DCTN4: variants seen among roughly 807,000 people sequenced by gnomAD.
DCTN4 encodes dynactin subunit 4.
DCTN4 carries 23 observed loss-of-function variants against 62.7 expected under a neutral mutation model. The observed-to-expected ratio is 0.37, with a 90% CI of 0.26 to 0.52. DCTN4 has a LOEUF of 0.52. Among genes scored for constraint, DCTN4 ranks in the 20% least tolerant of loss-of-function variants. The pLI is 0.92. For synonymous variants in DCTN4, 199 were observed against 202.1 expected (o/e 0.98, Z 0.13); for missense variants, 514 against 580.4 (o/e 0.89, Z 1.18).
chr5:150,720,940 A>G (rs1759936665), intron 9 of DCTN4, among the ~76,000 whole-genome samples: 1 of 152,236 alleles, frequency 6.6e-6, no homozygotes, highest in African/African-American at 2.4e-5. Flanking sequence ...CCCAGACTTC[A>G]CAAGTGCCAT....
In DCTN4 at chr5:150,711,261, T is replaced by A; in HGVS notation, c.1271A>T (p.Asp424Val). The change falls in exon 13 of 13, where the codon GAT becomes GTT. Residue 424 changes from aspartate to valine, a missense_variant. Transcript: ENST00000447998. ...EVTVCFKMKH[D>V]FKNLAAPIRP... is the part of the protein sequence containing the mutation. The stretch of plus-strand genomic sequence containing the variant: ...AATGGGGGCTGCCAGGTTTTTAAAA[T>A]CATGCTTCATCTTGAAGCACACGGT... 1.9e-6 allele frequency: 3 copies of A among 1,613,394 alleles called. No individual in the cohort carries two copies. The East Asian group carries it at 6.7e-5, about 36-fold the overall frequency.
At position 150,729,042 on chromosome 5, in the gene DCTN4, C is replaced by CTTTTTT. The variant is rs61106544; in HGVS notation, c.834+1583_834+1588dup. 4.7e-3 allele frequency among the ~76,000 whole-genome samples: 247 copies of CTTTTTT among 52,094 alleles called. 28 individuals carry two copies. The highest frequency in any genetic ancestry group is 0.011 in the African/African-American group (149 of 13,112). 34.2% of individuals were successfully genotyped at this position (52,094 alleles called of 152,430 possible). ...ACAAGTGTGTGAACCACCACACTGG[C>CTTTTTT]TTTTTTTTTTTTTTTTTTTTTTTTT... On this transcript the variant is annotated intron_variant, in intron 8 of 12. Coordinates refer to ENST00000447998, the MANE Select transcript of DCTN4 (RefSeq NM_016221.4).
intron 8 of DCTN4, among the ~76,000 whole-genome samples, chr5:150,728,258 T>C (rs1760227226): frequency 6.6e-6 from 1 of 152,138 alleles, no homozygotes; most frequent in Non-Finnish European, 1.5e-5. Context: ...AAAACTTTCT[T>C]TTAACTGAAA....
At chr5:150,716,897 G>A (rs996921503) in intron 11 of DCTN4, among the ~76,000 whole-genome samples, 1 of 148,532 alleles carries the variant, frequency 6.7e-6, no homozygotes, top group Non-Finnish European at 1.5e-5. Context: ...CCAGCCTGGC[G>A]ACCGAGTGAG....
In DCTN4 at chr5:150,718,163, G is replaced by T; in HGVS notation, c.1071+113C>A. On this transcript the variant is annotated intron_variant, in intron 11 of 12. Transcript: ENST00000447998. ...AAAAATTTAGGAGGTGGAATCAAAA[G>T]AACTTGCTGACTAGATGTGGAAAGG... 6.3e-6 allele frequency: 4 copies of T among 639,550 alleles called. No individual in the cohort carries two copies. In the South Asian group the frequency reaches 9.0e-5, roughly 14 times the overall value. 39.6% of individuals were successfully genotyped at this position (639,550 alleles called of 1,614,324 possible).
rs1479824625 is a variant in DCTN4, at chr5:150,710,738, T to C, written c.*411A>G. 2 of 201,746 alleles carry C rather than the reference T, an allele frequency of 9.9e-6. No homozygotes were observed. Among genetic ancestry groups the C allele is most frequent in the Admixed American group, 5.2e-5 (1 of 19,166 alleles). The allele number at this position is 201,746 out of a possible 1,614,324, so 12.5% of individuals were successfully genotyped here. ...GTACATTGTGACCAATGCTGGATCA[T>C]TAACAGCAGGTCTACCTTTGGGTTA... On this transcript the variant is annotated 3_prime_UTR_variant, in exon 13 of 13. Transcript: ENST00000447998.
At chr5:150,728,226 CTT>C (rs1428713890) in intron 8 of DCTN4, among the ~76,000 whole-genome samples, 2 of 152,162 alleles carry the variant, frequency 1.3e-5, no homozygotes, top group East Asian at 1.9e-4. Flanking sequence ...ATAAATGTGA[CTT>C]AAATCTTTTC....
chr5:150,757,634 A>G (rs1448482318), intron 1 of DCTN4, among the ~76,000 whole-genome samples: 2 of 152,224 alleles, frequency 1.3e-5, no homozygotes, highest in African/African-American at 4.8e-5. Flanking sequence ...GGAGATACAC[A>G]TAAGGAAAGT....
At chr5:150,758,684 T>C in intron 1 of DCTN4, 175 bp downstream of exon 1, 1 of 1,304,088 alleles carries the variant, frequency 7.7e-7, no homozygotes, top group Non-Finnish European at 1.0e-6. Flanking sequence ...CCGAGGCTGC[T>C]CCTCCTTTCC....
Position 150,710,984 on chromosome 5 carries a change from C to T in DCTN4, c.*165G>A. ...GAGAGCAAGAGCAACAGCAGCTACC[C>T]TGTGTTCCCAATGCCTTGCCTATGC... On this transcript the variant is annotated 3_prime_UTR_variant, in exon 13 of 13. Coordinates refer to ENST00000447998, the MANE Select transcript of DCTN4 (RefSeq NM_016221.4). 1.5e-6 allele frequency: 1 copy of T among 672,402 alleles called. No individual in the cohort carries two copies. Among genetic ancestry groups the T allele is most frequent in the East Asian group, 2.7e-5 (1 of 36,472 alleles). 41.7% of individuals were successfully genotyped at this position (672,402 alleles called of 1,614,324 possible).
rs199934481 is a variant in DCTN4, at chr5:150,723,533, A to AT, written c.835-554dup. 4.7e-3 allele frequency among the ~76,000 whole-genome samples: 717 copies of AT among 152,324 alleles called. 6 individuals carry two copies. Among genetic ancestry groups the AT allele is most frequent in the Middle Eastern group, 0.017 (5 of 294 alleles). ...ACCCAGGCTGGAGTGCAGTGGCACA[A>AT]TCAAAGCTCACTACAGCCTCCAACT... On this transcript the variant is annotated intron_variant, in intron 8 of 12. Coordinates refer to ENST00000447998, the MANE Select transcript of DCTN4 (RefSeq NM_016221.4).
At position 150,730,897 on chromosome 5, in the gene DCTN4, A is replaced by G. The variant is rs1006338233; in HGVS notation, c.724+147T>C. On this transcript the variant is annotated intron_variant, in intron 7 of 12. Transcript: ENST00000447998. ...TTGACATTTTAGATTTCAAACAATTACCTCTATTACAGCTGTTTTATTTTC... is the reference window on the plus strand; with the variant it reads ...TTGACATTTTAGATTTCAAACAATTGCCTCTATTACAGCTGTTTTATTTTC... The G allele has an allele frequency of 3.9e-6, 3 of 771,882 alleles. No homozygotes were observed. In the African/African-American group the frequency reaches 5.3e-5, roughly 14 times the overall value. The allele number at this position is 771,882 out of a possible 1,614,324, so 47.8% of individuals were successfully genotyped here.
intron 8 of DCTN4, among the ~76,000 whole-genome samples, chr5:150,723,879 A>C (rs1042408511): frequency 1.2e-4 from 19 of 152,208 alleles, no homozygotes; most frequent in African/African-American, 4.6e-4. Context: ...TCTTGGAATT[A>C]ATTCCATTTC....
At chr5:150,714,944 C>T (rs895300733) in intron 12 of DCTN4, among the ~76,000 whole-genome samples, 14 of 152,104 alleles carry the variant, frequency 9.2e-5, no homozygotes, top group Admixed American at 1.3e-4. Context: ...AAATTTTATG[C>T]CCATGAAGTA....
chr5:150,725,964 G>A lies in DCTN4; in HGVS notation c.835-2984C>T, dbSNP rs180988798. 3.7e-3 allele frequency among the ~76,000 whole-genome samples: 569 copies of A among 151,966 alleles called. 4 individuals are homozygous for A. The highest frequency in any genetic ancestry group is 0.013 in the African/African-American group (522 of 41,414). On this transcript the variant is annotated intron_variant, in intron 8 of 12. Coordinates refer to ENST00000447998, the MANE Select transcript of DCTN4 (RefSeq NM_016221.4). ...GTTGCCCAGGCCGGAGTACAATGGC[G>A]CAATCTTGGCTCACTGCAACCTCCG...
chr5:150,729,458 C>T (rs1056007133), intron 8 of DCTN4, among the ~76,000 whole-genome samples: 2 of 152,062 alleles, frequency 1.3e-5, no homozygotes, highest in African/African-American at 4.8e-5. Flanking sequence ...CATTTATACT[C>T]TTACCCATTC....
chr5:150,731,538 C>A, intron 5 of DCTN4, 49 bp from the exon 6 acceptor site: 1 of 1,449,206 alleles, frequency 6.9e-7, no homozygotes, highest in South Asian at 1.2e-5. Context: ...TTTACACACC[C>A]TATTTATCAA....
intron 3 of DCTN4, among the ~76,000 whole-genome samples, chr5:150,746,747 G>A (rs1228604338): frequency 1.3e-5 from 2 of 152,188 alleles, no homozygotes; most frequent in African/African-American, 2.4e-5. Context: ...AGCCCTTCAT[G>A]CTAAAAACTC....
Position 150,709,144 on chromosome 5 carries a change from T to C in DCTN4, c.*2005A>G, listed in dbSNP as rs912344864. On this transcript the variant is annotated 3_prime_UTR_variant, in exon 13 of 13. Coordinates refer to ENST00000447998, the MANE Select transcript of DCTN4 (RefSeq NM_016221.4). The stretch of plus-strand genomic sequence containing the variant: ...TCATTTCTACGAACACACAGAATAC[T>C]AGCTTACACTAAAACCTATCTTGAG... 6.5e-6 allele frequency: 1 copy of C among 152,822 alleles called. No individual in the cohort carries two copies. The highest frequency in any genetic ancestry group is 1.5e-5 in the Non-Finnish European group (1 of 68,044). The allele number at this position is 152,822 out of a possible 1,614,324, so 9.5% of individuals were successfully genotyped here. A position where few individuals can be genotyped will look rare whatever the true frequency, so the allele number is the denominator to read the frequency against.
Sources: allele counts gnomAD v4.1 joint callset (sites outside exome capture counted in the v4.1 genomes callset), GRCh38; gene constraint gnomAD v4.1.1; transcripts MANE v1.5; gene names NCBI Gene and HGNC (gene_info 2026-07-23, HGNC 2026-07-21).